Variants in NINL observed in about 807,000 individuals in gnomAD.
NINL encodes ninein-like protein.
NINL carries 153 observed loss-of-function variants against 160.3 expected under a neutral mutation model. The ratio of observed to expected loss-of-function variants is 0.95; its 90% CI spans 0.84 to 1.09. NINL has a LOEUF of 1.09. Ranked by LOEUF, NINL falls within the 50% of genes least tolerant of loss-of-function variation. The pLI is 0.00. For missense variants in NINL, 1,829 were observed against 1,764.0 expected (o/e 1.04, Z -0.66); for synonymous variants, 800 against 734.8 (o/e 1.09, Z -1.43).
At chr20:25,488,897 C>T (rs2063559639) in intron 13 of NINL, 1 of 256,822 alleles carries the variant, frequency 3.9e-6, no homozygotes, top group Non-Finnish European at 7.7e-6. Context: ...TACGGGGGTC[C>T]TCCTGGGTTT....
intron 1 of NINL, among the ~76,000 whole-genome samples, chr20:25,573,642 A>G (rs1006311860): frequency 6.6e-6 from 1 of 152,236 alleles, no homozygotes. Context: ...AAAACACAGC[A>G]ATCTGAGGAG....
intron 1 of NINL, among the ~76,000 whole-genome samples, chr20:25,560,426 A>G (rs2064920722): frequency 6.6e-6 from 1 of 152,222 alleles, no homozygotes; most frequent in Non-Finnish European, 1.5e-5. Flanking sequence ...GTAAATGACC[A>G]AACTGGCTAA....
At chr20:25,514,743 C>A (rs1283525089) in intron 3 of NINL, among the ~76,000 whole-genome samples, 3 of 152,210 alleles carry the variant, frequency 2.0e-5, no homozygotes, top group Non-Finnish European at 2.9e-5. Flanking sequence ...TCCCTACGTC[C>A]CAGCTGCTCC....
rs576725170 is a variant in NINL, at chr20:25,489,173, T to C, written c.1677+71A>G. 2.3e-5 allele frequency: 32 copies of C among 1,418,158 alleles called. No homozygotes were observed. The East Asian group carries it at 6.4e-4, about 28-fold the overall frequency. The allele number at this position is 1,418,158 out of a possible 1,614,324, so 87.8% of individuals were successfully genotyped here. ...CCTGGAGCAGACACTCCTGCGTTAC[T>C]GTGGACCACCTGCGTGTGGAGACCC... On this transcript the variant is annotated intron_variant, in intron 13 of 23. Transcript: ENST00000278886.
At position 25,480,682 on chromosome 20, in the gene NINL, A is replaced by G. The variant is rs140320698; in HGVS notation, c.1811-415T>C. On this transcript the variant is annotated intron_variant, in intron 14 of 23. Transcript: ENST00000278886. ...ACAGCTGTGTGCACGGAGGTTATCT[A>G]TCTATTTAGATAACCTTTCCTTGGT... Among the ~76,000 whole-genome samples, 211 of 152,278 alleles carry G rather than the reference A, an allele frequency of 1.4e-3. 1 individual carries two copies. The highest frequency in any genetic ancestry group is 4.8e-3 in the African/African-American group (200 of 41,570).
Position 25,559,765 on chromosome 20 carries a change from T to C in NINL, c.-12+25690A>G, listed in dbSNP as rs577184497. Among the ~76,000 whole-genome samples, 415 of 148,942 alleles carry C rather than the reference T, an allele frequency of 2.8e-3. 3 individuals are homozygous for C. The highest frequency in any genetic ancestry group is 5.2e-3 in the Non-Finnish European group (352 of 67,392). On this transcript the variant is annotated intron_variant, in intron 1 of 23. Coordinates refer to ENST00000278886, the MANE Select transcript of NINL (RefSeq NM_025176.6). ...ACAGGCACACACCACCACACCCGAC[T>C]ATTTTTTTTTTTCTCGTTTTTTGTA...
intron 6 of NINL, among the ~76,000 whole-genome samples, chr20:25,504,580 C>T (rs979290958): frequency 7.2e-5 from 11 of 152,132 alleles, no homozygotes; most frequent in East Asian, 1.9e-4. Context: ...CAGTGGAACC[C>T]GGCCACACAG....
intron 8 of NINL, among the ~76,000 whole-genome samples, chr20:25,499,407 C>A (rs570369592): frequency 6.6e-6 from 1 of 152,154 alleles, no homozygotes; most frequent in Non-Finnish European, 1.5e-5. Flanking sequence ...GCAGCTCTAG[C>A]GCAAATGGGA....
At position 25,453,611 on chromosome 20, in the gene NINL, A is replaced by C; in HGVS notation, c.3989T>G (p.Leu1330Arg). Residue 1330 changes from leucine to arginine, a missense_variant, in exon 24 of 24, where the codon CTG becomes CGG. Physicochemically the swap from Leu to Arg is moderately radical, Grantham distance 102. Coordinates refer to ENST00000278886, the MANE Select transcript of NINL (RefSeq NM_025176.6). ...GGCGTTCTCCACGTACAGCTCCTTC[A>C]GCAGCAGGTCGGACTTCGTGTTCTT... ...FEKNTKSDLL[L>R]KELYVENAHL... The C allele has an allele frequency of 6.2e-7, 1 of 1,611,168 alleles. No homozygotes were observed. The highest frequency in any genetic ancestry group is 8.5e-7 in the Non-Finnish European group (1 of 1,178,596).
chr20:25,545,703 G>A (rs1336656042), intron 1 of NINL, among the ~76,000 whole-genome samples: 1 of 152,178 alleles, frequency 6.6e-6, no homozygotes, highest in Non-Finnish European at 1.5e-5. Context: ...CTCTAGCACA[G>A]CATCATAAGA....
At chr20:25,477,733 A>G (rs1367434184) in intron 16 of NINL, among the ~76,000 whole-genome samples, 2 of 152,280 alleles carry the variant, frequency 1.3e-5, no homozygotes, top group East Asian at 3.9e-4. Context: ...CCCCAGGAGC[A>G]GGCTGCTAGA....
chr20:25,507,879 G>C (rs1215863820), intron 5 of NINL, among the ~76,000 whole-genome samples: 1 of 152,186 alleles, frequency 6.6e-6, no homozygotes, highest in Admixed American at 6.5e-5. Context: ...GGCAGAAGAG[G>C]TCGGGCAAGT....
At chr20:25,457,466 G>A (rs1451031539) in intron 22 of NINL, among the ~76,000 whole-genome samples, 1 of 152,246 alleles carries the variant, frequency 6.6e-6, no homozygotes, top group African/African-American at 2.4e-5. Flanking sequence ...TAACTCCAAA[G>A]CGAGCTTCCC....
chr20:25,464,966 G>GT (rs1460273751), intron 19 of NINL, among the ~76,000 whole-genome samples: 2 of 152,206 alleles, frequency 1.3e-5, no homozygotes, highest in Admixed American at 6.5e-5. Context: ...TCCTGGTGGC[G>GT]TTCACGCTGG....
rs748163984 is a variant in NINL at position 25,462,520 on chromosome 20, A to G, written c.3445T>C (p.Leu1149=). The change falls in exon 20 of 24, where the codon TTA becomes CTA. Residue 1149 remains leucine (L), a synonymous_variant. Coordinates refer to ENST00000278886, the MANE Select transcript of NINL (RefSeq NM_025176.6). ...NRQNQNYKDQ[L]SQLNVRVLQL... is the part of the protein sequence containing the mutation. ...AGAACCCTGACATTGAGCTGGGATAATTGATCCTTGTAGTTCTGATTCTGG... is the reference window on the plus strand; with the variant it reads ...AGAACCCTGACATTGAGCTGGGATAGTTGATCCTTGTAGTTCTGATTCTGG... 1 of 1,613,962 alleles carries G rather than the reference A, an allele frequency of 6.2e-7. No individual in the cohort carries two copies. Among genetic ancestry groups the G allele is most frequent in the East Asian group, 2.2e-5 (1 of 44,888 alleles).
intron 1 of NINL, among the ~76,000 whole-genome samples, chr20:25,552,052 G>T (rs1321687307): frequency 2.0e-5 from 3 of 152,170 alleles, no homozygotes; most frequent in Non-Finnish European, 4.4e-5. Flanking sequence ...ACATTGTTGT[G>T]AAGTTACAGC....
chr20:25,478,544 G>A (rs2063317107), intron 16 of NINL, among the ~76,000 whole-genome samples: 1 of 152,184 alleles, frequency 6.6e-6, no homozygotes, highest in Non-Finnish European at 1.5e-5. Flanking sequence ...AACCCCAGCT[G>A]GCCATCTTTC....
rs756309151 is a variant in NINL at position 25,462,410 on chromosome 20, C to T, written c.3555G>A (p.Glu1185=). ...VTIQMLTQSL[E]EVVRSGQQQS... ...GCTGCTGCCCACTGCGAACCACCTC[C>T]TCCAGGCTCTGTGTTAACATCTGAA... Residue 1185 remains glutamate, a synonymous_variant, in exon 20 of 24, where the codon GAG becomes GAA. Transcript: ENST00000278886. 1.9e-6 allele frequency: 3 copies of T among 1,613,904 alleles called. No homozygotes were observed. Among genetic ancestry groups the T allele is most frequent in the African/African-American group, 2.7e-5 (2 of 74,922 alleles).
chr20:25,512,200 C>T (rs1257825487), intron 4 of NINL, among the ~76,000 whole-genome samples: 2 of 152,216 alleles, frequency 1.3e-5, no homozygotes, highest in Admixed American at 1.3e-4. Flanking sequence ...TTGGCTCATA[C>T]AGGCCAGTTG....
Sources: gnomAD v4.1 joint callset for allele counts (sites outside exome capture counted in the v4.1 genomes callset) on GRCh38, gnomAD v4.1.1 for gene constraint, MANE v1.5 for transcripts, NCBI Gene and HGNC (gene_info 2026-07-23, HGNC 2026-07-21) for gene names.